DST: variants seen among roughly 807,000 people sequenced by gnomAD.
The protein encoded by DST is bullous pemphigoid antigen.
A neutral mutation model predicts 875.2 loss-of-function variants in DST; 253 were observed. The ratio of observed to expected loss-of-function variants is 0.29; its 90% CI spans 0.26 to 0.32. DST has a LOEUF of 0.32. DST is among the 10% of genes least tolerant of loss of function. The pLI, the probability that DST is intolerant of heterozygous loss-of-function variation, is 1.00. For missense variants in DST, 8,287 were observed against 9,111.6 expected, an observed-to-expected ratio of 0.91 and a Z score of 3.68; for synonymous variants, 3,124 against 3,197.1, an observed-to-expected ratio of 0.98 and a Z score of 0.77.
At chr6:56,896,419 A>C (rs1791313884) in intron 3 of DST, among the ~76,000 whole-genome samples, 1 of 152,108 alleles carries the variant, frequency 6.6e-6, no homozygotes, top group Non-Finnish European at 1.5e-5. Context: ...CCACCATGTT[A>C]AGAAGTGCCT....
At position 56,625,165 on chromosome 6, in the gene DST, T is replaced by C. The variant is rs1344293062; in HGVS notation, c.4822A>G (p.Ile1608Val). 6.2e-7 allele frequency: 1 copy of C among 1,608,818 alleles called. No homozygotes were observed. The highest frequency in any genetic ancestry group is 2.2e-5 in the East Asian group (1 of 44,802). The stretch of plus-strand genomic sequence containing the variant: ...TCTCATACTTTTATTACCTCTTGAA[T>C]AATGAGATCTGCTGAACTCTGCATT... Reference protein sequence around the residue: ...RRMQSSADLIIQEFMDLRTRY... With the variant: ...RRMQSSADLIVQEFMDLRTRY... The change falls in exon 35 of 104, where the codon ATT (isoleucine) becomes GTT (valine). Residue 1608 changes from isoleucine to valine, a missense_variant. Transcript: ENST00000680361.
In DST at chr6:56,557,283, C is replaced by T. The variant is rs184469472; in HGVS notation, c.14640+36G>A. 84 of 1,573,360 alleles carry T rather than the reference C, an allele frequency of 5.3e-5. No homozygotes were observed. The Middle Eastern group carries it at 8.4e-4, about 16-fold the overall frequency. On this transcript the variant is annotated intron_variant, in intron 59 of 103. Transcript: ENST00000680361. The stretch of plus-strand genomic sequence containing the variant: ...ACATTGGTCTCAGTAAGTCAAATTG[C>T]TATGCACGAGAGACAGGTTATTAGG...
intron 49 of DST, among the ~76,000 whole-genome samples, chr6:56,581,612 G>T (rs1341949810): frequency 2.6e-5 from 4 of 152,202 alleles, no homozygotes; most frequent in African/African-American, 9.6e-5. Flanking sequence ...ATTTCTAACA[G>T]CTCTTACAGA....
chr6:56,661,923 A>G (rs1172396618), intron 10 of DST, among the ~76,000 whole-genome samples: 1 of 152,038 alleles, frequency 6.6e-6, no homozygotes, highest in Admixed American at 6.5e-5. Flanking sequence ...CATCACTGAA[A>G]TTTGTCAACT....
At chr6:56,571,223 G>T (rs527924732) in intron 53 of DST, among the ~76,000 whole-genome samples, 1 of 152,164 alleles carries the variant, frequency 6.6e-6, no homozygotes, top group Admixed American at 6.5e-5. Flanking sequence ...GCAGAATACT[G>T]GCAGATAAGA....
intron 97 of DST, among the ~76,000 whole-genome samples, chr6:56,469,437 G>A (rs116636244): frequency 0.025 from 3,827 of 151,610 alleles, 73 homozygotes; most frequent in Non-Finnish European, 0.043. Context: ...TTGAGATTTT[G>A]AATAAAAGCA....
intron 77 of DST, among the ~76,000 whole-genome samples, 194 bp downstream of exon 77, chr6:56,506,249 T>G (rs1227793539): frequency 1.3e-5 from 2 of 152,224 alleles, no homozygotes; most frequent in Non-Finnish European, 2.9e-5. Flanking sequence ...TATATAAATC[T>G]ACACATATCT....
chr6:56,641,461 G>A (rs1419437466), intron 17 of DST, among the ~76,000 whole-genome samples: 1 of 152,036 alleles, frequency 6.6e-6, no homozygotes, highest in African/African-American at 2.4e-5. Context: ...GGTGGCGGGT[G>A]CCTGTAATCC....
Position 56,634,790 on chromosome 6 carries a change from G to T in DST, c.3339+11C>A. 5 of 1,613,666 alleles carry T rather than the reference G, an allele frequency of 3.1e-6. No individual in the cohort carries two copies. The highest frequency in any genetic ancestry group is 4.2e-6 in the Non-Finnish European group (5 of 1,179,686). On this transcript the variant is annotated intron_variant, in intron 25 of 103. Transcript: ENST00000680361. ...GACAGAAACTGGTCTGTTTCTAGGAGTTACAAGTACCTCAATTTGTCTGTA... is the reference window on the plus strand; with the variant it reads ...GACAGAAACTGGTCTGTTTCTAGGATTTACAAGTACCTCAATTTGTCTGTA...
intron 4 of DST, among the ~76,000 whole-genome samples, chr6:56,824,084 A>G: frequency 6.6e-6 from 1 of 152,052 alleles, no homozygotes; most frequent in Non-Finnish European, 1.5e-5. Context: ...TACTGCTGCC[A>G]TCTCGGCTCA....
rs777533426 is a variant in DST at position 56,607,621 on chromosome 6, G to A, written c.7007C>T (p.Pro2336Leu). The change falls in exon 40 of 104, where the codon CCC becomes CTC. Residue 2336 changes from proline (P) to leucine (L), a missense_variant. Transcript: ENST00000680361. ...ISIDPKVNSS[P>L]SVCVPSLISY... ...TATGAGACTGGGAACACACACACTG[G>A]GTGAACTGTTAACTTTAGGATCAAT... is the stretch of plus-strand genomic sequence containing the variant. The A allele has an allele frequency of 2.5e-6, 4 of 1,613,136 alleles. No homozygotes were observed. In the East Asian group the frequency reaches 8.9e-5, roughly 36 times the overall value.
chr6:56,695,126 C>CAAAAAAAAAAAAAAAAA (rs34456344), intron 9 of DST, among the ~76,000 whole-genome samples: 79 of 70,046 alleles, frequency 1.1e-3, no homozygotes, highest in African/African-American at 4.3e-3. Context: ...GACTCCCTCT[C>CAAAAAAAAAAAAAAAAA]AAAAAAAAAA....
chr6:56,873,081 T>G (rs1778106469), intron 3 of DST, among the ~76,000 whole-genome samples: 1 of 152,208 alleles, frequency 6.6e-6, no homozygotes, highest in Non-Finnish European at 1.5e-5. Flanking sequence ...AATTTGCATT[T>G]CCTTGACAAT....
intron 4 of DST, among the ~76,000 whole-genome samples, chr6:56,793,853 A>G (rs1484493391): frequency 6.6e-6 from 1 of 152,214 alleles, no homozygotes; most frequent in Admixed American, 6.5e-5. Flanking sequence ...AATGCACAAT[A>G]AAAGAATGAA....
At chr6:56,712,888 C>G (rs1038775452) in intron 5 of DST, among the ~76,000 whole-genome samples, 4 of 152,170 alleles carry the variant, frequency 2.6e-5, no homozygotes, top group Non-Finnish European at 5.9e-5. Flanking sequence ...TAATGACTCT[C>G]TTGTAACGTT....
intron 4 of DST, among the ~76,000 whole-genome samples, chr6:56,765,761 C>T (rs754769897): frequency 6.6e-6 from 1 of 152,210 alleles, no homozygotes. Context: ...AAAGATTTTA[C>T]TCAGACTTCA....
chr6:56,689,060 A>C (rs546529118), intron 9 of DST, among the ~76,000 whole-genome samples: 1 of 152,270 alleles, frequency 6.6e-6, no homozygotes, highest in South Asian at 2.1e-4. Flanking sequence ...ACTCATTGTT[A>C]AGTGAGTTGA....
chr6:56,619,770 A>C (rs1426265208), intron 36 of DST: 1 of 1,613,932 alleles, frequency 6.2e-7, no homozygotes, highest in African/African-American at 1.3e-5. Context: ...TCCAGCTCCA[A>C]CTTAAGGCAT....
intron 17 of DST, among the ~76,000 whole-genome samples, chr6:56,641,622 T>C (rs762257856): frequency 2.6e-5 from 4 of 152,138 alleles, no homozygotes; most frequent in Non-Finnish European, 5.9e-5. Flanking sequence ...CTTAGATTTT[T>C]TTCTCTTTCA....
Sources: gnomAD v4.1 joint callset for allele counts (sites outside exome capture counted in the v4.1 genomes callset) on GRCh38, gnomAD v4.1.1 for gene constraint, MANE v1.5 for transcripts, NCBI Gene and HGNC (gene_info 2026-07-23, HGNC 2026-07-21) for gene names.